DDX60L: variants seen among roughly 807,000 people sequenced by gnomAD.
DDX60L encodes probable ATP-dependent RNA helicase DDX60-like.
A neutral mutation model predicts 211.6 loss-of-function variants in DDX60L; 191 were observed. The observed-to-expected ratio is 0.90, with a 90% CI of 0.80 to 1.02. DDX60L has a LOEUF of 1.02. DDX60L is among the 50% of genes least tolerant of loss of function. The pLI is 0.00. For missense variants in DDX60L, 2,007 were observed against 1,984.1 expected (o/e 1.01, Z -0.22); for synonymous variants, 706 against 694.1 (o/e 1.02, Z -0.27).
chr4:168,407,614 A>C (rs191266039), intron 22 of DDX60L, among the ~76,000 whole-genome samples: 1 of 152,334 alleles, frequency 6.6e-6, no homozygotes, highest in African/African-American at 2.4e-5. Flanking sequence ...ATCTCTAAGA[A>C]AGGGACAGGA....
intron 10 of DDX60L, among the ~76,000 whole-genome samples, chr4:168,440,950 C>G (rs1162039892): frequency 1.3e-5 from 2 of 151,996 alleles, no homozygotes; most frequent in Non-Finnish European, 2.9e-5. Context: ...AGAATATACA[C>G]TATATGACTC....
At chr4:168,400,357 T>G (rs1393249743) in intron 26 of DDX60L, among the ~76,000 whole-genome samples, 3 of 152,166 alleles carry the variant, frequency 2.0e-5, no homozygotes, top group African/African-American at 4.8e-5. Context: ...AACAGAATGA[T>G]TTATATTCCT....
chr4:168,437,420 C>G (rs1485540747), intron 10 of DDX60L, among the ~76,000 whole-genome samples: 1 of 152,058 alleles, frequency 6.6e-6, no homozygotes, highest in Non-Finnish European at 1.5e-5. Context: ...TGCCAGCAGC[C>G]TCCAGAAGCT....
chr4:168,376,160 G>C (rs1741908639), intron 33 of DDX60L, among the ~76,000 whole-genome samples: 1 of 152,154 alleles, frequency 6.6e-6, no homozygotes, highest in Admixed American at 6.5e-5. Context: ...GTTAGAAATA[G>C]CTATGACATT....
chr4:168,422,742 T>C, intron 15 of DDX60L, 72 bp from the exon 16 acceptor site: 3 of 1,211,036 alleles, frequency 2.5e-6, no homozygotes, highest in Non-Finnish European at 3.5e-6. Context: ...AAATATCCAC[T>C]GAGCACATTC....
intron 4 of DDX60L, chr4:168,471,413 TGCTGGTGCTTACCACA>T (rs1456299116): frequency 5.7e-6 from 1 of 176,732 alleles, no homozygotes; most frequent in Admixed American, 6.2e-5. Flanking sequence ...AGAATGGGCT[TGCTGGTGCTTACCACA>T]GGCTGAATTC....
At position 168,427,150 on chromosome 4, in the gene DDX60L, C is replaced by G. The variant is rs1751587171; in HGVS notation, c.1850G>C (p.Ser617Thr). The G allele has an allele frequency of 3.7e-6, 6 of 1,610,362 alleles. No individual in the cohort carries two copies. In the East Asian group the frequency reaches 1.3e-4, roughly 36 times the overall value. The change falls in exon 14 of 38, where the codon AGT becomes ACT. Residue 617 changes from serine to threonine, a missense_variant. Transcript: ENST00000682922. ...KLEDYLTSCA[S>T]NSVKFGVEML... is the part of the protein sequence containing the mutation. Reference sequence around the variant, plus strand: ...TTCAACTCCAAATTTCACTGAATTACTTGCACATGATGTCAAATAATCTTC... The same window carrying G: ...TTCAACTCCAAATTTCACTGAATTAGTTGCACATGATGTCAAATAATCTTC...
At position 168,421,853 on chromosome 4, in the gene DDX60L, C is replaced by T. The variant is rs771792922; in HGVS notation, c.2301G>A (p.Thr767=). The T allele has an allele frequency of 2.0e-5, 32 of 1,614,090 alleles. No individual in the cohort carries two copies. The highest frequency in any genetic ancestry group is 5.0e-5 in the Admixed American group (3 of 60,000). ...AGGAAGCATAGGTTTTGCCTGAGGA[C>T]GTTGGGGCAACAATCACTGCTGACT... is the stretch of plus-strand genomic sequence containing the variant. The part of the protein sequence containing the change: ...KNESAVIVAP[T]SSGKTYASYY... The change falls in exon 17 of 38, where the codon ACG becomes ACA. Residue 767 remains threonine (T), a synonymous_variant. Coordinates refer to ENST00000682922, the MANE Select transcript of DDX60L (RefSeq NM_001012967.3).
intron 19 of DDX60L, among the ~76,000 whole-genome samples, chr4:168,417,794 T>C (rs1410383728): frequency 6.6e-6 from 1 of 152,068 alleles, no homozygotes; most frequent in Non-Finnish European, 1.5e-5. Flanking sequence ...AGAGAGGAGG[T>C]CCAAATTTTG....
At position 168,379,465 on chromosome 4, in the gene DDX60L, C is replaced by T. The variant is rs1300275652; in HGVS notation, c.4261G>A (p.Gly1421Arg). 6.3e-7 allele frequency: 1 copy of T among 1,585,106 alleles called. No homozygotes were observed. Among genetic ancestry groups the T allele is most frequent in the South Asian group, 1.2e-5 (1 of 84,742 alleles). The change falls in exon 32 of 38, where the codon GGA becomes AGA. Residue 1421 changes from glycine (G) to arginine (R), a missense_variant. Physicochemically the swap from Gly to Arg is moderately radical, Grantham distance 125. Coordinates refer to ENST00000682922, the MANE Select transcript of DDX60L (RefSeq NM_001012967.3). ...NKKGNPKKFAGLASYLHGHEP... is the reference protein window; with the variant it reads ...NKKGNPKKFARLASYLHGHEP... ...TGACCATGCAAATATGATGCAAGTCCTGCAAATTTCTTTGGATTACCCTTT... is the reference window on the plus strand; with the variant it reads ...TGACCATGCAAATATGATGCAAGTCTTGCAAATTTCTTTGGATTACCCTTT...
At position 168,376,573 on chromosome 4, in the gene DDX60L, G is replaced by A. The variant is rs146324926; in HGVS notation, c.4486-1049C>T. Among the ~76,000 whole-genome samples, 663 of 152,232 alleles carry A rather than the reference G, an allele frequency of 4.4e-3. 3 individuals are homozygous for A. The highest frequency in any genetic ancestry group is 0.014 in the African/African-American group (585 of 41,528). On this transcript the variant is annotated intron_variant, in intron 33 of 37. Coordinates refer to ENST00000682922, the MANE Select transcript of DDX60L (RefSeq NM_001012967.3). ...ATGACAATTTCCACAAGCCTACTTCGGACTCAGCTCCATCTGTGGATGGAC... is the reference window on the plus strand; with the variant it reads ...ATGACAATTTCCACAAGCCTACTTCAGACTCAGCTCCATCTGTGGATGGAC...
At chr4:168,381,145 T>C (rs1231130539) in intron 30 of DDX60L, among the ~76,000 whole-genome samples, 1 of 152,208 alleles carries the variant, frequency 6.6e-6, no homozygotes, top group East Asian at 1.9e-4. Flanking sequence ...AGTATAAATC[T>C]GAAAAATATG....
chr4:168,419,147 T>C (rs1352574411), intron 19 of DDX60L, among the ~76,000 whole-genome samples, 155 bp downstream of exon 19: 2 of 152,232 alleles, frequency 1.3e-5, no homozygotes, highest in African/African-American at 4.8e-5. Flanking sequence ...TTCTAAAAAT[T>C]GTACTAACGT....
chr4:168,358,095 C>T lies in DDX60L; in HGVS notation c.*52G>A. The stretch of plus-strand genomic sequence containing the variant: ...ATTGTGTAAGCTTAATTATATCTCT[C>T]CTTGCAAAGGGATAAATACCACATA... On this transcript the variant is annotated 3_prime_UTR_variant, in exon 38 of 38. Transcript: ENST00000682922. The T allele has an allele frequency of 1.3e-6, 2 of 1,519,742 alleles. No individual in the cohort carries two copies. The highest frequency in any genetic ancestry group is 1.8e-6 in the Non-Finnish European group (2 of 1,111,280). 94.1% of individuals were successfully genotyped at this position (1,519,742 alleles called of 1,614,324 possible). A position where few individuals can be genotyped will look rare whatever the true frequency, so the allele number is the denominator to read the frequency against.
intron 36 of DDX60L, among the ~76,000 whole-genome samples, 166 bp downstream of exon 36, chr4:168,371,446 G>T (rs183833484): frequency 6.8e-6 from 1 of 147,132 alleles, no homozygotes; most frequent in Non-Finnish European, 1.5e-5. Flanking sequence ...ACTCTTAAAA[G>T]ATTAGGTATT....
rs117771866 is a variant in DDX60L, at chr4:168,441,528, T to C, written c.1139-36A>G. 871 of 1,534,898 alleles carry C rather than the reference T, an allele frequency of 5.7e-4. 12 individuals are homozygous for C. The East Asian group carries it at 0.019, about 33-fold the overall frequency. ...ATAAAAAATATTAAAATCTCAAAAG[T>C]CATACACATGCAGACACACACAGAG... On this transcript the variant is annotated intron_variant, in intron 9 of 37. Coordinates refer to ENST00000682922, the MANE Select transcript of DDX60L (RefSeq NM_001012967.3).
intron 29 of DDX60L, among the ~76,000 whole-genome samples, chr4:168,386,207 C>T (rs757649271): frequency 2.0e-5 from 3 of 152,104 alleles, no homozygotes; most frequent in African/African-American, 4.8e-5. Flanking sequence ...TTCTTTCAAA[C>T]GGCTGGAAGC....
rs570544992 is a variant in DDX60L, at chr4:168,421,880, A to T, written c.2274T>A (p.Asn758Lys). ...QQELLDVVDK[N>K]ESAVIVAPTS... ...TTGGGGCAACAATCACTGCTGACTC[A>T]TTCTTATCTACCACATCCAGGAGTT... Residue 758 changes from asparagine to lysine, a missense_variant, in exon 17 of 38, where the codon AAT (asparagine) becomes AAA (lysine). By Grantham distance (94) the Asn-to-Lys change is moderately conservative. Transcript: ENST00000682922. The T allele has an allele frequency of 1.1e-5, 18 of 1,614,180 alleles. No homozygotes were observed. The Admixed American group carries it at 3.0e-4, about 27-fold the overall frequency.
chr4:168,363,204 G>A (rs1739396165), intron 36 of DDX60L, among the ~76,000 whole-genome samples: 2 of 152,120 alleles, frequency 1.3e-5, no homozygotes, highest in Admixed American at 1.3e-4. Flanking sequence ...ACTACATCCA[G>A]GAAAGCTATC....
Sources: gnomAD v4.1 joint callset for allele counts (sites outside exome capture counted in the v4.1 genomes callset) on GRCh38, gnomAD v4.1.1 for gene constraint, MANE v1.5 for transcripts, NCBI Gene and HGNC (gene_info 2026-07-23, HGNC 2026-07-21) for gene names.